SCFD2: variants seen among roughly 807,000 people sequenced by gnomAD.
SCFD2 encodes the protein sec1 family domain-containing protein 2.
A neutral mutation model predicts 58.9 loss-of-function variants in SCFD2; 54 were observed. The ratio of observed to expected loss-of-function variants is 0.92; its 90% CI spans 0.74 to 1.15. The LOEUF (loss-of-function observed/expected upper bound fraction) is 1.15. Ranked by LOEUF, SCFD2 falls within the 50% of genes most tolerant of loss-of-function variation. The probability of loss-of-function intolerance (pLI) is 0.00; values close to 1 mark genes in which losing one functional copy is unlikely to be tolerated. For synonymous variants in SCFD2, 321 were observed against 335.9 expected, an observed-to-expected ratio of 0.96 and a Z score of 0.49; for missense variants, 805 against 836.6, an observed-to-expected ratio of 0.96 and a Z score of 0.47.
intron 5 of SCFD2, among the ~76,000 whole-genome samples, chr4:52,924,870 C>A (rs6839258): frequency 0.036 from 5,446 of 152,264 alleles, 359 homozygotes; most frequent in African/African-American, 0.12. Flanking sequence ...CACAATTCCA[C>A]ATCTCATCTG....
At chr4:53,338,550 G>A (rs1167892492) in intron 2 of SCFD2, among the ~76,000 whole-genome samples, 1 of 146,226 alleles carries the variant, frequency 6.8e-6, no homozygotes, top group Non-Finnish European at 1.5e-5. Context: ...AAAAGATGGA[G>A]GCCAAAAGAA....
chr4:53,031,155 T>G (rs1207381035), intron 5 of SCFD2, among the ~76,000 whole-genome samples: 1 of 152,016 alleles, frequency 6.6e-6, no homozygotes, highest in South Asian at 2.1e-4. Flanking sequence ...GGAATGGACC[T>G]CCAACAAACT....
chr4:52,958,273 T>C (rs1318754905), intron 5 of SCFD2, among the ~76,000 whole-genome samples: 2 of 152,220 alleles, frequency 1.3e-5, no homozygotes, highest in Non-Finnish European at 2.9e-5. Context: ...TGCTTACATA[T>C]TAAAATCTGA....
At chr4:53,289,179 A>C (rs1246855857) in intron 3 of SCFD2, among the ~76,000 whole-genome samples, 1 of 152,174 alleles carries the variant, frequency 6.6e-6, no homozygotes, top group African/African-American at 2.4e-5. Flanking sequence ...AGCCTGACCA[A>C]CATGGTGAAA....
At chr4:53,283,364 A>G (rs1356720883) in intron 3 of SCFD2, among the ~76,000 whole-genome samples, 2 of 152,188 alleles carry the variant, frequency 1.3e-5, no homozygotes, top group Non-Finnish European at 2.9e-5. Context: ...TCTACTGTTA[A>G]AACATATTTA....
chr4:53,311,455 C>T lies in SCFD2; in HGVS notation c.1135+2181G>A, dbSNP rs190404278. Among the ~76,000 whole-genome samples, 49 of 151,850 alleles carry T rather than the reference C, an allele frequency of 3.2e-4. 1 individual carries two copies. Among genetic ancestry groups the T allele is most frequent in the Non-Finnish European group, 6.0e-4 (41 of 67,920 alleles). On this transcript the variant is annotated intron_variant, in intron 3 of 8. Transcript: ENST00000401642. ...ACCTGTCCTTTTTAAAAATTTGTGG[C>T]TCTGCTTATTTTTCAAAGATACGGC...
chr4:53,361,189 A>G (rs1414013228), intron 1 of SCFD2, among the ~76,000 whole-genome samples: 1 of 152,216 alleles, frequency 6.6e-6, no homozygotes, highest in Non-Finnish European at 1.5e-5. Context: ...CTCTTTGACA[A>G]TTCAAAAAAC....
At chr4:53,301,250 A>G (rs954821945) in intron 3 of SCFD2, among the ~76,000 whole-genome samples, 1 of 152,358 alleles carries the variant, frequency 6.6e-6, no homozygotes, top group South Asian at 2.1e-4. Flanking sequence ...AGATGCAATA[A>G]AAAATGACAA....
chr4:53,007,403 A>AAGGGAGGG, intron 5 of SCFD2, among the ~76,000 whole-genome samples: 1 of 116,812 alleles, frequency 8.6e-6, no homozygotes, highest in East Asian at 2.6e-4. Context: ...GGAAGGAAGG[A>AAGGGAGGG]AGGGAGGGAG....
At chr4:53,342,376 G>A (rs1035279470) in intron 2 of SCFD2, among the ~76,000 whole-genome samples, 1 of 152,152 alleles carries the variant, frequency 6.6e-6, no homozygotes, top group African/African-American at 2.4e-5. Context: ...ATTACATAAT[G>A]ATAAAGGGAT....
intron 4 of SCFD2, among the ~76,000 whole-genome samples, chr4:53,252,299 G>A (rs1309127688): frequency 6.7e-6 from 1 of 148,770 alleles, no homozygotes; most frequent in African/African-American, 2.5e-5. Flanking sequence ...CGTGAAAATG[G>A]CCATACTGCC....
At chr4:53,170,536 T>A (rs1727149884) in intron 4 of SCFD2, among the ~76,000 whole-genome samples, 1 of 152,168 alleles carries the variant, frequency 6.6e-6, no homozygotes, top group Admixed American at 6.5e-5. Context: ...TTGTTTCATA[T>A]GAATTTTAGA....
chr4:52,955,891 G>A (rs1720700269), intron 5 of SCFD2: 1 of 356,500 alleles, frequency 2.8e-6, no homozygotes, highest in Non-Finnish European at 5.5e-6. Flanking sequence ...CTAATTGAAG[G>A]AAAGGCAGCT....
At chr4:53,129,503 A>T (rs956764737) in intron 5 of SCFD2, among the ~76,000 whole-genome samples, 9 of 152,188 alleles carry the variant, frequency 5.9e-5, no homozygotes, top group Non-Finnish European at 1.0e-4. Flanking sequence ...AAAAATGTTA[A>T]TCTTCCATTC....
chr4:53,214,121 T>A (rs551916591), intron 4 of SCFD2, among the ~76,000 whole-genome samples: 1 of 152,222 alleles, frequency 6.6e-6, no homozygotes, highest in East Asian at 1.9e-4. Flanking sequence ...AACATACGTG[T>A]GCATGTGTCT....
chr4:53,215,674 A>G (rs1445702853), intron 4 of SCFD2, among the ~76,000 whole-genome samples: 3 of 152,130 alleles, frequency 2.0e-5, no homozygotes, highest in Non-Finnish European at 4.4e-5. Flanking sequence ...CAGAACTTCC[A>G]AAACTATGTA....
chr4:53,021,738 G>A (rs910234956), intron 5 of SCFD2, among the ~76,000 whole-genome samples: 1 of 152,068 alleles, frequency 6.6e-6, no homozygotes, highest in Admixed American at 6.6e-5. Context: ...AAGCATTTCT[G>A]AACTTTTTGA....
At chr4:53,346,526 G>A (rs1006922489) in intron 2 of SCFD2, among the ~76,000 whole-genome samples, 7 of 151,920 alleles carry the variant, frequency 4.6e-5, no homozygotes, top group Admixed American at 6.6e-5. Flanking sequence ...CACCTGTCTC[G>A]GCCTCCCAAA....
chr4:52,897,490 C>T (rs1365965613), intron 7 of SCFD2, among the ~76,000 whole-genome samples: 1 of 152,214 alleles, frequency 6.6e-6, no homozygotes, highest in Non-Finnish European at 1.5e-5. Context: ...ACCAGCCTTG[C>T]ATCCCAGGGA....
Sources: allele counts gnomAD v4.1 joint callset (sites outside exome capture counted in the v4.1 genomes callset), GRCh38; gene constraint gnomAD v4.1.1; transcripts MANE v1.5; gene names NCBI Gene and HGNC (gene_info 2026-07-23, HGNC 2026-07-21).